Variants in SLC36A4 observed in about 807,000 individuals in gnomAD.
SLC36A4 encodes the protein solute carrier family 36 member 4.
A neutral mutation model predicts 50.5 loss-of-function variants in SLC36A4; 49 were observed. The observed-to-expected ratio is 0.97, with a 90% confidence interval of 0.77 to 1.23. SLC36A4 has a LOEUF of 1.23. Among genes scored for constraint, SLC36A4 ranks in the 50% most tolerant of loss-of-function variants. The pLI, the probability that SLC36A4 is intolerant of heterozygous loss-of-function variation, is 0.00. For missense variants in SLC36A4, 611 were observed against 608.4 expected, an observed-to-expected ratio of 1.00 and a Z score of -0.05; for synonymous variants, 207 against 206.5, an observed-to-expected ratio of 1.00 and a Z score of -0.02.
At chr11:93,183,398 A>G (rs1194707472) in intron 3 of SLC36A4, among the ~76,000 whole-genome samples, 3 of 152,210 alleles carry the variant, frequency 2.0e-5, no homozygotes, top group African/African-American at 7.2e-5. Flanking sequence ...TTTATTTACT[A>G]AAATTAAAGC....
At chr11:93,158,383 T>G (rs1860461297) in intron 9 of SLC36A4, among the ~76,000 whole-genome samples, 1 of 152,124 alleles carries the variant, frequency 6.6e-6, no homozygotes, top group Non-Finnish European at 1.5e-5. Flanking sequence ...TACATCATTT[T>G]GCATGTAAGT....
rs1430299261 is a variant in SLC36A4, at chr11:93,144,397, A to T, written c.*4140T>A. ...TCCTATTTGTTATCAAGAAAACGCTAATGAAATATTTTTAGTGTTCTTTTC... is the reference window on the plus strand; with the variant it reads ...TCCTATTTGTTATCAAGAAAACGCTTATGAAATATTTTTAGTGTTCTTTTC... On this transcript the variant is annotated 3_prime_UTR_variant, in exon 11 of 11. Transcript: ENST00000326402. 1 of 152,086 alleles carries T rather than the reference A, an allele frequency of 6.6e-6. No individual in the cohort carries two copies. The highest frequency in any genetic ancestry group is 1.5e-5 in the Non-Finnish European group (1 of 67,966). The allele number at this position is 152,086 out of a possible 1,614,324, so 9.4% of individuals were successfully genotyped here. A position where few individuals can be genotyped will look rare whatever the true frequency, so the allele number is the denominator to read the frequency against.
intron 9 of SLC36A4, among the ~76,000 whole-genome samples, chr11:93,161,281 T>A (rs10830995): frequency 0.22 from 32,913 of 152,042 alleles, 4,033 homozygotes; most frequent in East Asian, 0.43. Flanking sequence ...AAAAGCACAT[T>A]TGAAGGCAAT....
Position 93,148,682 on chromosome 11 carries a change from G to A in SLC36A4, c.1370C>T (p.Ala457Val). Reference sequence around the variant, plus strand: ...TAAGAAGCCAACAACTCCAGTGAATGCTATAGAAATATTTTTCAGGACCAT... The same window carrying A: ...TAAGAAGCCAACAACTCCAGTGAATACTATAGAAATATTTTTCAGGACCAT... ...IWMVLKNISIAFTGVVGFLLG... is the reference protein window; with the variant it reads ...IWMVLKNISIVFTGVVGFLLG... Residue 457 changes from alanine to valine, a missense_variant, in exon 11 of 11, where the codon GCA becomes GTA. Transcript: ENST00000326402. 1 of 1,612,818 alleles carries A rather than the reference G, an allele frequency of 6.2e-7. No individual in the cohort carries two copies. Among genetic ancestry groups the A allele is most frequent in the Non-Finnish European group, 8.5e-7 (1 of 1,179,294 alleles).
chr11:93,149,648 C>T (rs2134622612), intron 10 of SLC36A4, among the ~76,000 whole-genome samples: 1 of 152,100 alleles, frequency 6.6e-6, no homozygotes, highest in Non-Finnish European at 1.5e-5. Context: ...CAATTACTGA[C>T]ATTTCGAAAG....
At chr11:93,193,293 TAA>T (rs1329075425) in intron 1 of SLC36A4, among the ~76,000 whole-genome samples, 1 of 152,060 alleles carries the variant, frequency 6.6e-6, no homozygotes, top group Non-Finnish European at 1.5e-5. Flanking sequence ...TAAACAGAGT[TAA>T]GAATATATGA....
chr11:93,193,338 T>TTA (rs1431185119), intron 1 of SLC36A4, among the ~76,000 whole-genome samples: 1 of 152,114 alleles, frequency 6.6e-6, no homozygotes. Flanking sequence ...GAATTAAAGA[T>TTA]TATAGAACCC....
Position 93,197,843 on chromosome 11 carries a change from T to C in SLC36A4, c.-11A>G. ...CGCCGCCGCTTCCATCTCTCGCGGG[T>C]CTCCAGGACGCCGCCGCCCGAGTGC... On this transcript the variant is annotated 5_prime_UTR_variant, in exon 1 of 11. Transcript: ENST00000326402. 1 of 1,557,758 alleles carries C rather than the reference T, an allele frequency of 6.4e-7. No homozygotes were observed. The highest frequency in any genetic ancestry group is 8.6e-7 in the Non-Finnish European group (1 of 1,160,174).
intron 3 of SLC36A4, among the ~76,000 whole-genome samples, chr11:93,183,429 T>A (rs975413460): frequency 6.6e-5 from 10 of 152,212 alleles, no homozygotes; most frequent in African/African-American, 2.4e-4. Context: ...ATTACCCAGA[T>A]ACAACCAAAA....
intron 1 of SLC36A4, among the ~76,000 whole-genome samples, chr11:93,189,471 C>T (rs1862124021): frequency 6.6e-6 from 1 of 152,250 alleles, no homozygotes; most frequent in South Asian, 2.1e-4. Context: ...ACTATTTAAT[C>T]CATAACAACC....
intron 5 of SLC36A4, among the ~76,000 whole-genome samples, chr11:93,181,208 C>T (rs1861719542): frequency 6.6e-6 from 1 of 151,960 alleles, no homozygotes; most frequent in Admixed American, 6.6e-5. Flanking sequence ...TTTGCCAGAG[C>T]CACCAATAAT....
chr11:93,158,834 C>A (rs1392087399), intron 9 of SLC36A4, among the ~76,000 whole-genome samples: 1 of 152,030 alleles, frequency 6.6e-6, no homozygotes, highest in Non-Finnish European at 1.5e-5. Flanking sequence ...ACCCAGTAAA[C>A]CCTCTTTCTA....
rs1165047322 is a variant in SLC36A4, at chr11:93,152,066, A to G, written c.1207+2042T>C. On this transcript the variant is annotated intron_variant, in intron 10 of 10. Coordinates refer to ENST00000326402, the MANE Select transcript of SLC36A4 (RefSeq NM_152313.4). ...ATTTTGAGATCATGATTCAAATGCT[A>G]AATGGATACTTGGACACAACCAACA... 4 of 152,142 alleles carry G rather than the reference A, an allele frequency of 2.6e-5. No homozygotes were observed. In the East Asian group the frequency reaches 7.7e-4, roughly 29 times the overall value. 9.4% of individuals were successfully genotyped at this position (152,142 alleles called of 1,614,324 possible). A position where few individuals can be genotyped will look rare whatever the true frequency, so the allele number is the denominator to read the frequency against.
chr11:93,186,900 G>A (rs898050031), intron 1 of SLC36A4, among the ~76,000 whole-genome samples: 2 of 152,164 alleles, frequency 1.3e-5, no homozygotes. Context: ...CACTCAGTAA[G>A]TCTGGGGTGG....
At chr11:93,166,110 A>G (rs954531508) in intron 7 of SLC36A4, 94 bp from the exon 8 acceptor site, 12 of 1,275,136 alleles carry the variant, frequency 9.4e-6, no homozygotes, top group Non-Finnish European at 1.2e-5. Flanking sequence ...TTTGAGCTTC[A>G]CAACAGCAAA....
intron 6 of SLC36A4, among the ~76,000 whole-genome samples, chr11:93,177,639 T>C (rs1238719246): frequency 6.6e-6 from 1 of 152,188 alleles, no homozygotes; most frequent in East Asian, 1.9e-4. Context: ...GGAGGTCCAC[T>C]CCAGATGCTG....
At chr11:93,183,251 G>A (rs548809062) in intron 3 of SLC36A4, among the ~76,000 whole-genome samples, 13 of 152,242 alleles carry the variant, frequency 8.5e-5, no homozygotes, top group Middle Eastern at 3.4e-3. Context: ...TCTAAATCCC[G>A]AAAACGCACA....
rs760030683 is a variant in SLC36A4 at position 93,167,930 on chromosome 11, C to T, written c.768+14G>A. 2 of 1,557,266 alleles carry T rather than the reference C, an allele frequency of 1.3e-6. No individual in the cohort carries two copies. The highest frequency in any genetic ancestry group is 1.7e-6 in the Non-Finnish European group (2 of 1,152,998). Reference sequence around the variant, plus strand: ...AGAAAGATAAGAACTTAGTTAAAAACTTTTTATACTTACCCTGACAACATA... The same window carrying T: ...AGAAAGATAAGAACTTAGTTAAAAATTTTTTATACTTACCCTGACAACATA... On this transcript the variant is annotated intron_variant, in intron 7 of 10. Transcript: ENST00000326402.
intron 9 of SLC36A4, among the ~76,000 whole-genome samples, chr11:93,157,997 C>A (rs1860443666): frequency 6.6e-6 from 1 of 152,114 alleles, no homozygotes; most frequent in East Asian, 1.9e-4. Context: ...TCTGCTATAA[C>A]ATATTTATCA....
Sources: gnomAD v4.1 joint callset for allele counts (sites outside exome capture counted in the v4.1 genomes callset) on GRCh38, gnomAD v4.1.1 for gene constraint, MANE v1.5 for transcripts, NCBI Gene and HGNC (gene_info 2026-07-23, HGNC 2026-07-21) for gene names.